The following VTA1 variants were observed in gnomAD, a reference collection of about 807,000 sequenced individuals.
VTA1 encodes vacuolar protein sorting-associated protein VTA1 homolog.
A neutral mutation model predicts 36.9 loss-of-function variants in VTA1; 24 were observed. The observed-to-expected ratio is 0.65, with a 90% confidence interval of 0.47 to 0.91. The LOEUF is 0.91. Ranked by LOEUF, VTA1 falls within the 40% of genes least tolerant of loss-of-function variation. VTA1 has a pLI of 0.00. For missense variants in VTA1, 393 were observed against 377.2 expected, an observed-to-expected ratio of 1.04 and a Z score of -0.35; for synonymous variants, 142 against 130.2, an observed-to-expected ratio of 1.09 and a Z score of -0.62.
At chr6:142,160,746 T>C (rs1774786450) in intron 1 of VTA1, among the ~76,000 whole-genome samples, 2 of 152,102 alleles carry the variant, frequency 1.3e-5, no homozygotes, top group Admixed American at 1.3e-4. Flanking sequence ...TTTTTTCTGT[T>C]TACAGTGGGA....
intron 1 of VTA1, among the ~76,000 whole-genome samples, chr6:142,152,534 C>T (rs563332088): frequency 6.4e-4 from 97 of 151,904 alleles, no homozygotes; most frequent in African/African-American, 2.1e-3. Flanking sequence ...CTCATTATGG[C>T]AATAAATAAT....
chr6:142,180,263 G>A (rs1775202595), intron 4 of VTA1, among the ~76,000 whole-genome samples: 1 of 152,152 alleles, frequency 6.6e-6, no homozygotes. Context: ...CAGAAAGGAG[G>A]AAAGTGTTAT....
Position 142,222,679 on chromosome 6 carries a change from C to T in VTA1, c.*4036C>T, listed in dbSNP as rs1008285023. On this transcript the variant is annotated 3_prime_UTR_variant, in exon 8 of 8. Coordinates refer to ENST00000367630, the MANE Select transcript of VTA1 (RefSeq NM_016485.5). ...GTTTTGGTTTTCATATGAGAAGTATCCTTCCCTGGTTGGTTGTAATCTTTG... is the reference window on the plus strand; with the variant it reads ...GTTTTGGTTTTCATATGAGAAGTATTCTTCCCTGGTTGGTTGTAATCTTTG... The T allele has an allele frequency of 6.6e-6, 1 of 152,230 alleles. No individual in the cohort carries two copies. Among genetic ancestry groups the T allele is most frequent in the African/African-American group, 2.4e-5 (1 of 41,458 alleles). 9.4% of individuals were successfully genotyped at this position (152,230 alleles called of 1,614,324 possible).
intron 4 of VTA1, among the ~76,000 whole-genome samples, chr6:142,178,400 AG>A (rs1775166447): frequency 6.6e-6 from 1 of 152,140 alleles, no homozygotes; most frequent in Admixed American, 6.5e-5. Context: ...AAACATTTTT[AG>A]GCAAGTTAAT....
intron 7 of VTA1, among the ~76,000 whole-genome samples, chr6:142,209,455 C>CA (rs1238397186): frequency 6.7e-6 from 1 of 149,746 alleles, no homozygotes; most frequent in Non-Finnish European, 1.5e-5. Context: ...AAATGTAATA[C>CA]AAAAAAATAT....
intron 7 of VTA1, among the ~76,000 whole-genome samples, chr6:142,214,126 G>T (rs942827173): frequency 6.6e-6 from 1 of 152,112 alleles, no homozygotes; most frequent in Middle Eastern, 3.2e-3. Flanking sequence ...TTTAGAAACA[G>T]TCAGGTCAAC....
chr6:142,211,349 G>C (rs1775898779), intron 7 of VTA1, among the ~76,000 whole-genome samples: 1 of 152,112 alleles, frequency 6.6e-6, no homozygotes, highest in African/African-American at 2.4e-5. Context: ...GATAGCATAA[G>C]AGAAAATCCA....
At chr6:142,154,166 C>A (rs1048149047) in intron 1 of VTA1, among the ~76,000 whole-genome samples, 1 of 152,028 alleles carries the variant, frequency 6.6e-6, no homozygotes, top group South Asian at 2.1e-4. Flanking sequence ...TTTTCGCTAC[C>A]TCACCCCCAT....
chr6:142,159,478 GTATTATTATTAT>G (rs199893577), intron 1 of VTA1, among the ~76,000 whole-genome samples: 1,888 of 134,824 alleles, frequency 0.014, 26 homozygotes, highest in African/African-American at 0.029. Context: ...TTCATTTCAG[GTATTATTATTAT>G]TATTATTATT....
At position 142,223,988 on chromosome 6, in the gene VTA1, G is replaced by A. The variant is rs1272716892; in HGVS notation, c.*5345G>A. The A allele has an allele frequency of 6.6e-6, 1 of 152,172 alleles. No individual in the cohort carries two copies. Among genetic ancestry groups the A allele is most frequent in the Middle Eastern group, 3.2e-3 (1 of 316 alleles). The allele number at this position is 152,172 out of a possible 1,614,324, so 9.4% of individuals were successfully genotyped here. A position where few individuals can be genotyped will look rare whatever the true frequency, so the allele number is the denominator to read the frequency against. ...GTATTATGGCTGGGGCGGGGGGCTAGGGAATGTGTTATGACTAAATTGTAT... is the reference window on the plus strand; with the variant it reads ...GTATTATGGCTGGGGCGGGGGGCTAAGGAATGTGTTATGACTAAATTGTAT... On this transcript the variant is annotated 3_prime_UTR_variant, in exon 8 of 8. Transcript: ENST00000367630.
chr6:142,223,621 G>A lies in VTA1; in HGVS notation c.*4978G>A, dbSNP rs1256859336. The A allele has an allele frequency of 6.6e-6, 1 of 152,028 alleles. No individual in the cohort carries two copies. The highest frequency in any genetic ancestry group is 1.5e-5 in the Non-Finnish European group (1 of 67,992). The allele number at this position is 152,028 out of a possible 1,614,324, so 9.4% of individuals were successfully genotyped here. A position where few individuals can be genotyped will look rare whatever the true frequency, so the allele number is the denominator to read the frequency against. ...CAGTATTCCATGAATATAACTTAAT[G>A]GGGAACTGGCTTCAGAGTTCAGCAA... On this transcript the variant is annotated 3_prime_UTR_variant, in exon 8 of 8. Coordinates refer to ENST00000367630, the MANE Select transcript of VTA1 (RefSeq NM_016485.5).
At chr6:142,207,044 A>G (rs533870126) in intron 7 of VTA1, among the ~76,000 whole-genome samples, 5 of 152,276 alleles carry the variant, frequency 3.3e-5, no homozygotes, top group African/African-American at 1.2e-4. Flanking sequence ...CACCAACAGA[A>G]AACGAAAAAC....
At chr6:142,213,854 C>T (rs1775952807) in intron 7 of VTA1, among the ~76,000 whole-genome samples, 1 of 152,176 alleles carries the variant, frequency 6.6e-6, no homozygotes, top group South Asian at 2.1e-4. Flanking sequence ...TTCTAGATCT[C>T]CAACCTGTGA....
Position 142,194,897 on chromosome 6 carries a change from T to C in VTA1, c.521-3542T>C, listed in dbSNP as rs572195112. Among the ~76,000 whole-genome samples, 204 of 152,276 alleles carry C rather than the reference T, an allele frequency of 1.3e-3. 1 individual carries two copies. Among genetic ancestry groups the C allele is most frequent in the Middle Eastern group, 6.8e-3 (2 of 294 alleles). ...TGTCAAGTGCTTTTTATGCACTTATTAAAATTATCATAGGACTTTTTTTCT... is the reference window on the plus strand; with the variant it reads ...TGTCAAGTGCTTTTTATGCACTTATCAAAATTATCATAGGACTTTTTTTCT... On this transcript the variant is annotated intron_variant, in intron 5 of 7. Coordinates refer to ENST00000367630, the MANE Select transcript of VTA1 (RefSeq NM_016485.5).
chr6:142,180,909 A>G lies in VTA1; in HGVS notation c.412-8517A>G, dbSNP rs989163188. ...TTAGATTAGATCTGGGCCTGGGGGG[A>G]AAATAACTACAAAGGACGTGATTGG... is the stretch of plus-strand genomic sequence containing the variant. On this transcript the variant is annotated intron_variant, in intron 4 of 7. Transcript: ENST00000367630. Among the ~76,000 whole-genome samples, 5 of 151,358 alleles carry G rather than the reference A, an allele frequency of 3.3e-5. No individual in the cohort carries two copies. The South Asian group carries it at 8.4e-4, about 25-fold the overall frequency.
chr6:142,156,315 G>A (rs1024730751), intron 1 of VTA1, among the ~76,000 whole-genome samples: 6 of 152,050 alleles, frequency 3.9e-5, no homozygotes, highest in African/African-American at 1.4e-4. Context: ...GAGGGGAAAG[G>A]GACTAGTACA....
In VTA1 at chr6:142,221,276, A is replaced by C. The variant is rs771994957; in HGVS notation, c.*2633A>C. The C allele has an allele frequency of 5.9e-5, 9 of 152,194 alleles. No individual in the cohort carries two copies. The highest frequency in any genetic ancestry group is 1.3e-4 in the Non-Finnish European group (9 of 68,054). 9.4% of individuals were successfully genotyped at this position (152,194 alleles called of 1,614,324 possible). On this transcript the variant is annotated 3_prime_UTR_variant, in exon 8 of 8. Transcript: ENST00000367630. ...CTATGGAGGAAACATTGAGGACAGGATAGGAGATGCTTAGGTGTGTACAGA... is the reference window on the plus strand; with the variant it reads ...CTATGGAGGAAACATTGAGGACAGGCTAGGAGATGCTTAGGTGTGTACAGA...
chr6:142,213,649 A>G (rs568039082), intron 7 of VTA1, among the ~76,000 whole-genome samples: 1 of 152,312 alleles, frequency 6.6e-6, no homozygotes, highest in South Asian at 2.1e-4. Flanking sequence ...TTTGAAATCT[A>G]GGCAGAGATT....
At chr6:142,192,418 G>A (rs1024569096) in intron 5 of VTA1, among the ~76,000 whole-genome samples, 31 of 151,968 alleles carry the variant, frequency 2.0e-4, no homozygotes, top group African/African-American at 7.5e-4. Flanking sequence ...TAACACCATC[G>A]TATGTTGATG....
Sources: allele counts gnomAD v4.1 joint callset (sites outside exome capture counted in the v4.1 genomes callset), GRCh38; gene constraint gnomAD v4.1.1; transcripts MANE v1.5; gene names NCBI Gene and HGNC (gene_info 2026-07-23, HGNC 2026-07-21).